OPCML: variants seen among roughly 807,000 people sequenced by gnomAD.
OPCML encodes opioid-binding protein/cell adhesion molecule.
In OPCML, 13 loss-of-function variants were observed where a neutral mutation model predicts 37.8. That is an observed-to-expected ratio of 0.34 (90% CI 0.22 to 0.55). The LOEUF (loss-of-function observed/expected upper bound fraction) is 0.55, where lower values mean the gene tolerates loss of function less well. Among genes scored for constraint, OPCML ranks in the 20% least tolerant of loss-of-function variants. The pLI is 0.91. For synonymous variants in OPCML, 176 were observed against 168.8 expected, an observed-to-expected ratio of 1.04 and a Z score of -0.33; for missense variants, 341 against 435.6, an observed-to-expected ratio of 0.78 and a Z score of 1.93.
At chr11:133,313,040 G>T (rs146517693) in intron 1 of OPCML, among the ~76,000 whole-genome samples, 178 of 152,296 alleles carry the variant, frequency 1.2e-3, no homozygotes, top group African/African-American at 3.9e-3. Context: ...TGACTTCCGT[G>T]CATGGACAGC....
At chr11:133,091,295 C>T (rs1040101219) in intron 1 of OPCML, among the ~76,000 whole-genome samples, 1 of 152,214 alleles carries the variant, frequency 6.6e-6, no homozygotes, top group Admixed American at 6.5e-5. Flanking sequence ...AGGGCCCAGG[C>T]AGAAAACTTC....
At chr11:133,501,242 C>T (rs774477976) in intron 1 of OPCML, among the ~76,000 whole-genome samples, 10 of 152,190 alleles carry the variant, frequency 6.6e-5, no homozygotes, top group Non-Finnish European at 1.3e-4. Context: ...AAACTGTGTG[C>T]TCCCTCCAGG....
chr11:133,506,413 G>A (rs769366112), intron 1 of OPCML, among the ~76,000 whole-genome samples: 16 of 152,120 alleles, frequency 1.1e-4, no homozygotes, highest in Non-Finnish European at 2.9e-5. Context: ...TAATGAGCGC[G>A]GGGGCTCAGA....
chr11:133,521,158 T>C lies in OPCML; in HGVS notation c.61+11106A>G, dbSNP rs189565209. Among the ~76,000 whole-genome samples the C allele has an allele frequency of 6.6e-4, 101 of 152,322 alleles. 1 individual carries two copies. Among genetic ancestry groups the C allele is most frequent in the African/African-American group, 2.4e-3 (99 of 41,584 alleles). Reference sequence around the variant, plus strand: ...TGCACAGCACTTCGGAAGGGGTGTGTCCATCGGGCTCCTCTCCTGACCTTT... The same window carrying C: ...TGCACAGCACTTCGGAAGGGGTGTGCCCATCGGGCTCCTCTCCTGACCTTT... On this transcript the variant is annotated intron_variant, in intron 1 of 7. Coordinates refer to ENST00000524381, the MANE Select transcript of OPCML (RefSeq NM_001012393.5).
chr11:133,420,493 T>A, intron 1 of OPCML: 1 of 984,908 alleles, frequency 1.0e-6, no homozygotes, highest in South Asian at 4.7e-5. Flanking sequence ...GACTTTTATT[T>A]TTTTTCTGGC....
intron 3 of OPCML, among the ~76,000 whole-genome samples, chr11:132,554,353 T>A (rs2137450959): frequency 6.6e-6 from 1 of 152,364 alleles, no homozygotes; most frequent in East Asian, 1.9e-4. Flanking sequence ...ACAAGCCTGG[T>A]ATTTGCCCTT....
chr11:132,546,014 C>T (rs11223108), intron 3 of OPCML, among the ~76,000 whole-genome samples: 48,798 of 152,160 alleles, frequency 0.32, 8,005 homozygotes, highest in Middle Eastern at 0.43. Context: ...TTGTTCCAAT[C>T]CACTAAAAAC....
At chr11:132,886,186 T>C (rs1044593634) in intron 2 of OPCML, among the ~76,000 whole-genome samples, 9 of 152,250 alleles carry the variant, frequency 5.9e-5, no homozygotes, top group Non-Finnish European at 8.8e-5. Flanking sequence ...ACTATTTTTG[T>C]TATTTGTAAG....
chr11:132,839,219 A>G (rs1052820334), intron 2 of OPCML, among the ~76,000 whole-genome samples: 1 of 152,186 alleles, frequency 6.6e-6, no homozygotes, highest in Non-Finnish European at 1.5e-5. Flanking sequence ...GCAGAGTGGT[A>G]ATGAGAATCT....
chr11:133,171,713 CAGG>C (rs1461151770), intron 1 of OPCML, among the ~76,000 whole-genome samples: 2 of 152,172 alleles, frequency 1.3e-5, no homozygotes, highest in Non-Finnish European at 2.9e-5. Context: ...TCTGCTCTCC[CAGG>C]AGAAGAGACC....
intron 2 of OPCML, among the ~76,000 whole-genome samples, chr11:132,816,233 G>A (rs1334285566): frequency 6.6e-6 from 1 of 152,140 alleles, no homozygotes; most frequent in African/African-American, 2.4e-5. Context: ...TCTCTCTTAG[G>A]TCAGTTTCTG....
chr11:133,380,031 C>A (rs548380710), intron 1 of OPCML, among the ~76,000 whole-genome samples: 1 of 152,236 alleles, frequency 6.6e-6, no homozygotes, highest in Non-Finnish European at 1.5e-5. Context: ...ACAAATCATG[C>A]CCCAGGTACC....
At chr11:132,516,380 G>T (rs1043355246) in intron 4 of OPCML, among the ~76,000 whole-genome samples, 3 of 152,074 alleles carry the variant, frequency 2.0e-5, no homozygotes, top group Non-Finnish European at 4.4e-5. Flanking sequence ...CCTGCATCTG[G>T]GAACTTGTCT....
At chr11:132,682,211 G>C (rs1053545202) in intron 2 of OPCML, among the ~76,000 whole-genome samples, 1 of 152,122 alleles carries the variant, frequency 6.6e-6, no homozygotes, top group Non-Finnish European at 1.5e-5. Context: ...CTATGGGCTG[G>C]TAAGCAAGGC....
chr11:133,524,475 T>C (rs1331198449), intron 1 of OPCML, among the ~76,000 whole-genome samples: 1 of 152,232 alleles, frequency 6.6e-6, no homozygotes, highest in Non-Finnish European at 1.5e-5. Flanking sequence ...CAGTTTTTGC[T>C]TGTTAGCACC....
intron 2 of OPCML, among the ~76,000 whole-genome samples, chr11:132,721,998 C>G (rs1174749100): frequency 1.4e-5 from 2 of 141,150 alleles, no homozygotes; most frequent in African/African-American, 2.7e-5. Context: ...CTCTGTTGCC[C>G]AGGCTGGAGT....
At chr11:132,792,095 A>G (rs1937954786) in intron 2 of OPCML, among the ~76,000 whole-genome samples, 1 of 152,242 alleles carries the variant, frequency 6.6e-6, no homozygotes, top group Admixed American at 6.5e-5. Flanking sequence ...GTACAATGGG[A>G]GGAAGCCCCT....
chr11:132,664,073 C>T (rs546095231), intron 2 of OPCML, among the ~76,000 whole-genome samples: 1 of 152,074 alleles, frequency 6.6e-6, no homozygotes, highest in Admixed American at 6.6e-5. Flanking sequence ...ACCTCATGAT[C>T]CGCCCGCCTC....
chr11:132,924,773 G>A (rs528628732), intron 2 of OPCML, among the ~76,000 whole-genome samples: 1 of 152,262 alleles, frequency 6.6e-6, no homozygotes, highest in African/African-American at 2.4e-5. Context: ...CCTGCTCAAT[G>A]TTCTCTGAGC....
Sources: allele counts gnomAD v4.1 joint callset (sites outside exome capture counted in the v4.1 genomes callset), GRCh38; gene constraint gnomAD v4.1.1; transcripts MANE v1.5; gene names NCBI Gene and HGNC (gene_info 2026-07-23, HGNC 2026-07-21).